MBTPS2: variants seen among roughly 807,000 people sequenced by gnomAD.
MBTPS2 encodes the protein membrane-bound transcription factor site-2 protease.
A neutral mutation model predicts 35.4 loss-of-function variants in MBTPS2; 2 were observed. The ratio of observed to expected loss-of-function variants is 0.06; its 90% CI spans 0.02 to 0.18. MBTPS2 has a LOEUF of 0.18. MBTPS2 is among the 10% of genes least tolerant of loss of function. The probability of loss-of-function intolerance (pLI) is 1.00; values close to 1 mark genes in which losing one functional copy is unlikely to be tolerated. For missense variants in MBTPS2, 244 were observed against 386.5 expected (o/e 0.63, Z 3.09); for synonymous variants, 125 against 140.4 (o/e 0.89, Z 0.77).
intron 5 of MBTPS2, among the ~76,000 whole-genome samples, chrX:21,860,033 G>A (rs1223266705): frequency 9.2e-5 from 10 of 108,383 alleles, no homozygotes; most frequent in South Asian, 4.2e-4. Flanking sequence ...TCGAGGCTGC[G>A]GTGAGCCGTG....
chrX:21,858,946 T>C (rs5951474), intron 5 of MBTPS2, among the ~76,000 whole-genome samples: 43,494 of 100,232 alleles, frequency 0.43, 8,317 homozygotes, highest in East Asian at 0.56. Context: ...GGGCTCCTGC[T>C]TGTAATCCCA....
At position 21,885,123 on chromosome X, in the gene MBTPS2, A is replaced by G. The variant is rs1002239916; in HGVS notation, c.*2468A>G. On this transcript the variant is annotated 3_prime_UTR_variant, in exon 11 of 11. Transcript: ENST00000379484. The stretch of plus-strand genomic sequence containing the variant: ...AAAGAATGTATATATTCTTTTCAGC[A>G]TCTCAGTTTGAAAAGACATGCAGTT... The G allele has an allele frequency of 1.2e-5, 9 of 748,710 alleles. No homozygotes were observed. Among genetic ancestry groups the G allele is most frequent in the African/African-American group, 2.3e-5 (1 of 43,181 alleles). 61.7% of individuals were successfully genotyped at this position (748,710 alleles called of 1,213,427 possible). A position where few individuals can be genotyped will look rare whatever the true frequency, so the allele number is the denominator to read the frequency against.
At position 21,867,930 on chromosome X, in the gene MBTPS2, T is replaced by G. The variant is rs73195147; in HGVS notation, c.671-537T>G. 1.9e-3 allele frequency among the ~76,000 whole-genome samples: 213 copies of G among 110,780 alleles called. 2 individuals are homozygous for G. The highest frequency in any genetic ancestry group is 3.2e-3 in the Non-Finnish European group (170 of 52,816). On this transcript the variant is annotated intron_variant, in intron 5 of 10. Coordinates refer to ENST00000379484, the MANE Select transcript of MBTPS2 (RefSeq NM_015884.4). ...CTGGGATTACAGGCGTGAGCCACCG[T>G]GCCTGGCCGACAGTTTTCTTATGGT...
At chrX:21,840,224 AGTC>A (rs1324265302) in intron 1 of MBTPS2, among the ~76,000 whole-genome samples, 1 of 112,872 alleles carries the variant, frequency 8.9e-6, no homozygotes, top group Admixed American at 9.3e-5. Flanking sequence ...ATCTAAATCA[AGTC>A]GTGATTGAAA....
At chrX:21,860,288 C>T (rs2092929848) in intron 5 of MBTPS2, among the ~76,000 whole-genome samples, 2 of 110,293 alleles carry the variant, frequency 1.8e-5, no homozygotes, top group Non-Finnish European at 3.8e-5. Flanking sequence ...GGCATAGCAC[C>T]TGTAATTCCA....
rs2092961825 is a variant in MBTPS2, at chrX:21,883,772, C to T, written c.*1117C>T. On this transcript the variant is annotated 3_prime_UTR_variant, in exon 11 of 11. Transcript: ENST00000379484. Reference sequence around the variant, plus strand: ...TGGTAGTATAGTGAGAATGGCTATACGTGAGTACAAACGTGGATTTTCCAG... The same window carrying T: ...TGGTAGTATAGTGAGAATGGCTATATGTGAGTACAAACGTGGATTTTCCAG... 1.3e-6 allele frequency: 1 copy of T among 753,933 alleles called. No individual in the cohort carries two copies. Among genetic ancestry groups the T allele is most frequent in the Non-Finnish European group, 1.6e-6 (1 of 639,219 alleles). 62.1% of individuals were successfully genotyped at this position (753,933 alleles called of 1,213,427 possible).
At chrX:21,853,326 G>T (rs1247614076) in intron 4 of MBTPS2, 50 bp from the exon 5 acceptor site, 1 of 927,890 alleles carries the variant, frequency 1.1e-6, no homozygotes, top group Non-Finnish European at 1.5e-6. Context: ...CTATTAATTT[G>T]ATAAATATAA....
chrX:21,870,627 A>G (rs1348515792), intron 7 of MBTPS2: 2 of 112,250 alleles, frequency 1.8e-5, no homozygotes, highest in Non-Finnish European at 3.8e-5. Context: ...TAGTGGAATC[A>G]GTGTTGGCAT....
At chrX:21,866,779 C>T (rs763996427) in intron 5 of MBTPS2, among the ~76,000 whole-genome samples, 6 of 110,665 alleles carry the variant, frequency 5.4e-5, no homozygotes, top group South Asian at 3.9e-4. Flanking sequence ...GTAATCCTAG[C>T]GCTTTGGGAG....
At chrX:21,860,800 T>C (rs935166478) in intron 5 of MBTPS2, among the ~76,000 whole-genome samples, 1 of 112,255 alleles carries the variant, frequency 8.9e-6, no homozygotes, top group African/African-American at 3.2e-5. Context: ...CCAGAGTAAA[T>C]TACTGTGCAT....
intron 8 of MBTPS2, 130 bp from the exon 9 acceptor site, chrX:21,878,367 A>T: frequency 1.8e-6 from 1 of 546,638 alleles, no homozygotes; most frequent in Non-Finnish European, 3.1e-6. Flanking sequence ...TAGTAGATGC[A>T]CATAAATGGC....
chrX:21,868,395 G>T (rs1473521407), intron 5 of MBTPS2, 72 bp from the exon 6 acceptor site: 1 of 657,785 alleles, frequency 1.5e-6, no homozygotes, highest in East Asian at 3.2e-5. Flanking sequence ...ATGCCCAAGT[G>T]TTGTGAGGTC....
In MBTPS2 at chrX:21,883,466, A is replaced by G; in HGVS notation, c.*811A>G. ...GGAACTAGGCCGGGTCTCCTGACAG[A>G]TCACAAGACACCCCAGAGGATCTTC... is the stretch of plus-strand genomic sequence containing the variant. On this transcript the variant is annotated 3_prime_UTR_variant, in exon 11 of 11. Transcript: ENST00000379484. 1 of 754,213 alleles carries G rather than the reference A, an allele frequency of 1.3e-6. No individual in the cohort carries two copies. The highest frequency in any genetic ancestry group is 6.8e-5 in the South Asian group (1 of 14,807). 62.2% of individuals were successfully genotyped at this position (754,213 alleles called of 1,213,427 possible).
chrX:21,867,105 G>T (rs1392622837), intron 5 of MBTPS2, among the ~76,000 whole-genome samples: 3 of 110,489 alleles, frequency 2.7e-5, no homozygotes, highest in Admixed American at 9.6e-5. Flanking sequence ...TTATCAGAAA[G>T]GATAAGGGGA....
At chrX:21,873,987 G>C (rs1392926517) in intron 7 of MBTPS2, among the ~76,000 whole-genome samples, 4 of 65,336 alleles carry the variant, frequency 6.1e-5, no homozygotes, top group African/African-American at 2.6e-4. Flanking sequence ...CTGTGTGTGT[G>C]TGTGTGTGTG....
At chrX:21,869,392 G>A in intron 6 of MBTPS2, 106 bp from the exon 7 acceptor site, 1 of 606,335 alleles carries the variant, frequency 1.6e-6, no homozygotes, top group Non-Finnish European at 2.9e-6. Context: ...ATTATTTTCT[G>A]CATTCAAACT....
intron 4 of MBTPS2, among the ~76,000 whole-genome samples, chrX:21,852,653 A>G (rs1461395009): frequency 1.8e-5 from 2 of 111,186 alleles, no homozygotes; most frequent in Non-Finnish European, 3.8e-5. Flanking sequence ...TGCCAAGAAA[A>G]AAAATGAACT....
intron 4 of MBTPS2, among the ~76,000 whole-genome samples, chrX:21,852,148 C>A (rs1478834690): frequency 3.6e-5 from 4 of 111,876 alleles, no homozygotes; most frequent in Non-Finnish European, 7.5e-5. Context: ...ACTCCCTGTT[C>A]TTGGTCTTGG....
chrX:21,841,966 G>A (rs887543065), intron 1 of MBTPS2: 1 of 111,863 alleles, frequency 8.9e-6, no homozygotes, highest in Non-Finnish European at 1.9e-5. Flanking sequence ...CCAAGTCTTG[G>A]AAAACAAGTA....
Sources: allele counts gnomAD v4.1 joint callset (sites outside exome capture counted in the v4.1 genomes callset), GRCh38; gene constraint gnomAD v4.1.1; transcripts MANE v1.5; gene names NCBI Gene and HGNC (gene_info 2026-07-23, HGNC 2026-07-21).